Variants in CPA6 observed in about 807,000 individuals in gnomAD.
CPA6 encodes carboxypeptidase B.
CPA6 carries 58 observed loss-of-function variants against 63.3 expected under a neutral mutation model. The ratio of observed to expected loss-of-function variants is 0.92; its 90% CI spans 0.74 to 1.14. The LOEUF is 1.14. CPA6 is among the 50% of genes most tolerant of loss of function. The probability of loss-of-function intolerance (pLI) is 0.00; values close to 1 mark genes in which losing one functional copy is unlikely to be tolerated. For missense variants in CPA6, 565 were observed against 526.6 expected (o/e 1.07, Z -0.71); for synonymous variants, 185 against 179.0 (o/e 1.03, Z -0.27).
chr8:67,496,222 C>T (rs139559143), intron 6 of CPA6, among the ~76,000 whole-genome samples: 317 of 151,960 alleles, frequency 2.1e-3, no homozygotes, highest in African/African-American at 7.3e-3. Context: ...ATGTTGTTTC[C>T]CGCACATAAA....
chr8:67,571,728 C>A (rs931527622), intron 2 of CPA6, among the ~76,000 whole-genome samples: 9 of 152,110 alleles, frequency 5.9e-5, no homozygotes, highest in Admixed American at 5.9e-4. Flanking sequence ...AAAACGCCTA[C>A]ATCAAAAGAG....
chr8:67,698,482 A>G (rs1168363636), intron 1 of CPA6, among the ~76,000 whole-genome samples: 1 of 152,174 alleles, frequency 6.6e-6, no homozygotes, highest in Non-Finnish European at 1.5e-5. Context: ...TTGGGATATT[A>G]TTGTGTGCTA....
chr8:67,483,803 A>T lies in CPA6; in HGVS notation c.803T>A (p.Val268Glu). 3.7e-6 allele frequency: 6 copies of T among 1,613,954 alleles called. No homozygotes were observed. The highest frequency in any genetic ancestry group is 5.1e-6 in the Non-Finnish European group (6 of 1,179,970). The change falls in exon 8 of 11, where the codon GTG (valine) becomes GAG (glutamate). Residue 268 changes from valine (V) to glutamate (E), a missense_variant. Physicochemically the swap from Val to Glu is moderately radical, Grantham distance 121 (BLOSUM62 -2). Transcript: ENST00000297770. ...CACTTTCCAGTTTCTATTGGCATCC[A>T]CTCCACGGCAGCGAAACCTTGAGTT... The part of the protein sequence containing the change: ...SRNSRFRCRG[V>E]DANRNWKVKW...
intron 7 of CPA6, among the ~76,000 whole-genome samples, chr8:67,484,146 T>G (rs1033672201): frequency 5.3e-5 from 8 of 152,130 alleles, no homozygotes; most frequent in South Asian, 4.2e-4. Flanking sequence ...CTCGGCTCAC[T>G]GCAAGTTCCG....
intron 2 of CPA6, among the ~76,000 whole-genome samples, chr8:67,582,054 G>T (rs557495287): frequency 1.3e-5 from 2 of 152,062 alleles, no homozygotes; most frequent in African/African-American, 4.8e-5. Context: ...TTGTGTAGTG[G>T]GGTGGAAAGT....
intron 2 of CPA6, among the ~76,000 whole-genome samples, chr8:67,572,984 A>G (rs1294019717): frequency 1.3e-5 from 2 of 152,240 alleles, no homozygotes; most frequent in African/African-American, 4.8e-5. Flanking sequence ...TCACAGATCA[A>G]TAAATGAGAG....
At chr8:67,494,826 G>A (rs1011780416) in intron 6 of CPA6, among the ~76,000 whole-genome samples, 1 of 152,138 alleles carries the variant, frequency 6.6e-6, no homozygotes, top group Non-Finnish European at 1.5e-5. Flanking sequence ...GACAAGAAAA[G>A]TACTTACACA....
intron 2 of CPA6, among the ~76,000 whole-genome samples, chr8:67,599,825 G>C (rs780608893): frequency 1.3e-5 from 2 of 152,152 alleles, no homozygotes; most frequent in African/African-American, 2.4e-5. Flanking sequence ...CTCAGCTAGA[G>C]GGAAGTGCCT....
intron 2 of CPA6, among the ~76,000 whole-genome samples, chr8:67,558,817 T>A (rs1813130139): frequency 6.6e-6 from 1 of 152,210 alleles, no homozygotes; most frequent in Admixed American, 6.5e-5. Flanking sequence ...TCCCATCTGG[T>A]CACATTCCAT....
At chr8:67,682,209 A>C (rs1358066740) in intron 1 of CPA6, among the ~76,000 whole-genome samples, 1 of 150,590 alleles carries the variant, frequency 6.6e-6, no homozygotes, top group Non-Finnish European at 1.5e-5. Flanking sequence ...TCTGGCCATT[A>C]CCTAATTATT....
chr8:67,725,312 T>A (rs1212541676), intron 1 of CPA6, among the ~76,000 whole-genome samples: 1 of 152,178 alleles, frequency 6.6e-6, no homozygotes, highest in Admixed American at 6.5e-5. Flanking sequence ...TCCTAATATC[T>A]AAAACAATTT....
In CPA6 at chr8:67,426,265, G is replaced by A. The variant is rs1374770340; in HGVS notation, c.1126+1782C>T. Among the ~76,000 whole-genome samples, 5 of 152,226 alleles carry A rather than the reference G, an allele frequency of 3.3e-5. No homozygotes were observed. The East Asian group carries it at 5.8e-4, about 18-fold the overall frequency. ...ATTGCAGGCGTGAGCCGCCGCATCC[G>A]GCCAACAGCCTCATTTCTATGGTAA... On this transcript the variant is annotated intron_variant, in intron 10 of 10. Coordinates refer to ENST00000297770, the MANE Select transcript of CPA6 (RefSeq NM_020361.5).
chr8:67,716,151 C>CAAAAAAAAAAAA (rs56275918), intron 1 of CPA6, among the ~76,000 whole-genome samples: 1 of 76,548 alleles, frequency 1.3e-5, no homozygotes, highest in African/African-American at 6.7e-5. Context: ...GAGCTTGTCT[C>CAAAAAAAAAAAA]AAAAAAAAAA....
intron 2 of CPA6, among the ~76,000 whole-genome samples, chr8:67,585,510 G>A (rs540579122): frequency 6.6e-6 from 1 of 152,190 alleles, no homozygotes; most frequent in South Asian, 2.1e-4. Context: ...TGAGTTAGCA[G>A]TTCCTGCATA....
intron 1 of CPA6, among the ~76,000 whole-genome samples, chr8:67,728,824 T>C (rs1188240228): frequency 1.3e-5 from 2 of 152,212 alleles, no homozygotes; most frequent in Non-Finnish European, 2.9e-5. Context: ...AACTAGGACA[T>C]GAACCCAGGC....
intron 1 of CPA6, among the ~76,000 whole-genome samples, chr8:67,669,602 G>T (rs1033403256): frequency 6.6e-6 from 1 of 152,134 alleles, no homozygotes; most frequent in African/African-American, 2.4e-5. Context: ...TTGTAATCTA[G>T]TTTCTTAGGT....
chr8:67,667,420 G>T (rs1438772812), intron 1 of CPA6, among the ~76,000 whole-genome samples: 1 of 151,956 alleles, frequency 6.6e-6, no homozygotes, highest in African/African-American at 2.4e-5. Context: ...CAAAACCAGG[G>T]CCTGGATGTC....
intron 1 of CPA6, among the ~76,000 whole-genome samples, chr8:67,703,972 C>T (rs982248396): frequency 3.3e-5 from 5 of 152,076 alleles, no homozygotes; most frequent in African/African-American, 1.2e-4. Context: ...TGAGTTAGCA[C>T]CCACTTTGGG....
At chr8:67,572,989 TGA>T (rs1378468181) in intron 2 of CPA6, among the ~76,000 whole-genome samples, 9 of 152,212 alleles carry the variant, frequency 5.9e-5, no homozygotes, top group Non-Finnish European at 1.2e-4. Flanking sequence ...GATCAATAAA[TGA>T]GAGACACCAT....
Sources: allele counts gnomAD v4.1 joint callset (sites outside exome capture counted in the v4.1 genomes callset), GRCh38; gene constraint gnomAD v4.1.1; transcripts MANE v1.5; gene names NCBI Gene and HGNC (gene_info 2026-07-23, HGNC 2026-07-21).